The following C3orf70 variants were observed in gnomAD, a reference collection of about 807,000 sequenced individuals.
The protein encoded by C3orf70 is chromosome 3 open reading frame 70, also known as UPF0524 protein C3orf70.
In C3orf70, 15 loss-of-function variants were observed where a neutral mutation model predicts 20.7. The ratio of observed to expected loss-of-function variants is 0.72; its 90% CI spans 0.48 to 1.11. C3orf70 has a LOEUF of 1.11. Among genes scored for constraint, C3orf70 ranks in the 50% most tolerant of loss-of-function variants. The pLI is 0.00. For missense variants in C3orf70, 332 were observed against 317.6 expected, an observed-to-expected ratio of 1.05 and a Z score of -0.34; for synonymous variants, 161 against 125.7, an observed-to-expected ratio of 1.28 and a Z score of -1.88.
chr3:185,144,902 T>G (rs1317510917), intron 1 of C3orf70, among the ~76,000 whole-genome samples: 6 of 152,182 alleles, frequency 3.9e-5, no homozygotes, highest in African/African-American at 1.2e-4. Context: ...CCATGGCGCT[T>G]GGATGAAACA....
Position 185,083,337 on chromosome 3 carries a change from C to T in C3orf70, c.423G>A (p.Gly141=), listed in dbSNP as rs114395950. ...IDNYQVKCIN[G]KMCYVQKQPA... is the part of the protein sequence containing the mutation. ...GCTGCTTCTGCACATAACACATCTTCCCATTAATACATTTAACCTGATAGT... is the reference window on the plus strand; with the variant it reads ...GCTGCTTCTGCACATAACACATCTTTCCATTAATACATTTAACCTGATAGT... Residue 141 remains glycine, a synonymous_variant, in exon 2 of 2, where the codon GGG becomes GGA. Transcript: ENST00000335012. 4.4e-4 allele frequency: 712 copies of T among 1,614,130 alleles called. 3 individuals are homozygous for T. In the African/African-American group the frequency reaches 8.9e-3, roughly 20 times the overall value.
intron 1 of C3orf70, among the ~76,000 whole-genome samples, chr3:185,134,102 GA>G (rs920122132): frequency 2.2e-5 from 3 of 134,320 alleles, no homozygotes; most frequent in African/African-American, 8.0e-5. Flanking sequence ...AAAAGAAAAA[GA>G]AAAAAAATAC....
chr3:185,103,686 G>A (rs1383090808), intron 1 of C3orf70, among the ~76,000 whole-genome samples: 1 of 152,148 alleles, frequency 6.6e-6, no homozygotes, highest in East Asian at 1.9e-4. Flanking sequence ...AATCATTTAG[G>A]TAAACAGTTA....
intron 1 of C3orf70, among the ~76,000 whole-genome samples, chr3:185,126,681 G>A (rs549379927): frequency 6.5e-4 from 99 of 152,270 alleles, no homozygotes; most frequent in Non-Finnish European, 8.8e-4. Flanking sequence ...TTTGCTTTAA[G>A]TGAAACAATC....
intron 1 of C3orf70, among the ~76,000 whole-genome samples, chr3:185,117,795 C>T (rs534519298): frequency 2.0e-5 from 3 of 152,302 alleles, no homozygotes; most frequent in East Asian, 1.9e-4. Context: ...CCCACATGTG[C>T]GCTACGTTCT....
intron 1 of C3orf70, among the ~76,000 whole-genome samples, chr3:185,119,850 C>A (rs978762023): frequency 9.3e-5 from 14 of 151,300 alleles, no homozygotes; most frequent in African/African-American, 3.2e-4. Context: ...ATAGTGAAAC[C>A]CCATCTCTAC....
At chr3:185,128,665 T>C (rs1435918828) in intron 1 of C3orf70, among the ~76,000 whole-genome samples, 1 of 152,238 alleles carries the variant, frequency 6.6e-6, no homozygotes, top group Non-Finnish European at 1.5e-5. Flanking sequence ...AACTTTGTTT[T>C]ATGATAATGT....
Position 185,083,512 on chromosome 3 carries a change from T to C in C3orf70, c.248A>G (p.Glu83Gly). The C allele has an allele frequency of 1.2e-6, 2 of 1,613,130 alleles. No individual in the cohort carries two copies. Among genetic ancestry groups the C allele is most frequent in the Middle Eastern group, 1.7e-4 (1 of 6,060 alleles). Residue 83 changes from glutamate to glycine, a missense_variant, in exon 2 of 2, where the codon GAG becomes GGG. Coordinates refer to ENST00000335012, the MANE Select transcript of C3orf70 (RefSeq NM_001025266.3). Reference sequence around the variant, plus strand: ...GGGTTCCCGAGGCCTGGCAGGAATCTCAGTGCTTGGAAGCTGTTCCACAGG... The same window carrying C: ...GGGTTCCCGAGGCCTGGCAGGAATCCCAGTGCTTGGAAGCTGTTCCACAGG... ...MTPVEQLPST[E>G]IPARPREPTN... is the part of the protein sequence containing the mutation.
chr3:185,076,941 TAGAGAGTTAAAAC>T lies in C3orf70; in HGVS notation c.*6053_*6065del, dbSNP rs150240674. Among the ~76,000 whole-genome samples, 134 of 152,172 alleles carry T rather than the reference TAGAGAGTTAAAAC, an allele frequency of 8.8e-4. No homozygotes were observed. Among genetic ancestry groups the T allele is most frequent in the African/African-American group, 3.1e-3 (129 of 41,516 alleles). On this transcript the variant is annotated 3_prime_UTR_variant, in exon 2 of 2. Transcript: ENST00000335012. ...TCTAGGACTTGGCAATACAATTAGGTAGAGAGTTAAAACAGTAGAGTGCACACGCAGATGAGAT... is the reference window on the plus strand; with the variant it reads ...TCTAGGACTTGGCAATACAATTAGGTAGTAGAGTGCACACGCAGATGAGAT...
rs368248182 is a variant in C3orf70 at position 185,151,693 on chromosome 3, TTTAAC to T, written c.196+930_196+934del. On this transcript the variant is annotated intron_variant, in intron 1 of 1. Transcript: ENST00000335012. ...TTTTTCTCAACAAAGAAAAATTCATTTTAACTTAAGATCACTTGGAAAATGTCCTA... is the reference window on the plus strand; with the variant it reads ...TTTTTCTCAACAAAGAAAAATTCATTTTAAGATCACTTGGAAAATGTCCTA... 1.7e-4 allele frequency among the ~76,000 whole-genome samples: 26 copies of T among 152,350 alleles called. No homozygotes were observed. The South Asian group carries it at 5.4e-3, about 32-fold the overall frequency.
At chr3:185,106,510 G>C (rs1316558892) in intron 1 of C3orf70, among the ~76,000 whole-genome samples, 1 of 152,222 alleles carries the variant, frequency 6.6e-6, no homozygotes, top group African/African-American at 2.4e-5. Context: ...TGCTGAGCCT[G>C]AAATATGTCC....
chr3:185,120,496 A>G (rs1236251933), intron 1 of C3orf70, among the ~76,000 whole-genome samples: 1 of 152,172 alleles, frequency 6.6e-6, no homozygotes, highest in Non-Finnish European at 1.5e-5. Flanking sequence ...AAGGACTAAT[A>G]CCCAGAATCT....
intron 1 of C3orf70, among the ~76,000 whole-genome samples, chr3:185,090,189 T>G (rs569633506): frequency 6.6e-6 from 1 of 152,204 alleles, no homozygotes; most frequent in African/African-American, 2.4e-5. Flanking sequence ...ACATTGCAAT[T>G]TGCAGCACTG....
At chr3:185,105,930 G>A (rs140052685) in intron 1 of C3orf70, among the ~76,000 whole-genome samples, 2,021 of 152,274 alleles carry the variant, frequency 0.013, 50 homozygotes, top group African/African-American at 0.045. Flanking sequence ...TGAGGAGGAA[G>A]GAGAGTATAG....
rs957769431 is a variant in C3orf70, at chr3:185,078,540, G to C, written c.*4467C>G. The C allele has an allele frequency of 6.6e-6, 1 of 152,248 alleles. No individual in the cohort carries two copies. The highest frequency in any genetic ancestry group is 1.9e-4 in the East Asian group (1 of 5,184). 9.4% of individuals were successfully genotyped at this position (152,248 alleles called of 1,614,324 possible). A position where few individuals can be genotyped will look rare whatever the true frequency, so the allele number is the denominator to read the frequency against. ...TGATGTGAGAGACACTGATATCCGGGAACTTACAGCACTGACCACGTGTGT... is the reference window on the plus strand; with the variant it reads ...TGATGTGAGAGACACTGATATCCGGCAACTTACAGCACTGACCACGTGTGT... On this transcript the variant is annotated 3_prime_UTR_variant, in exon 2 of 2. Coordinates refer to ENST00000335012, the MANE Select transcript of C3orf70 (RefSeq NM_001025266.3).
chr3:185,091,964 T>A (rs1715599334), intron 1 of C3orf70, among the ~76,000 whole-genome samples: 1 of 6,294 alleles, frequency 1.6e-4, no homozygotes, highest in African/African-American at 7.0e-4. Context: ...TATATATATA[T>A]TTTTTTTTTT....
At chr3:185,125,868 T>C (rs1716399447) in intron 1 of C3orf70, among the ~76,000 whole-genome samples, 1 of 152,172 alleles carries the variant, frequency 6.6e-6, no homozygotes, top group Admixed American at 6.5e-5. Flanking sequence ...TAAAAACAGG[T>C]TAGCAGTTAC....
intron 1 of C3orf70, among the ~76,000 whole-genome samples, chr3:185,101,596 A>C (rs1401470932): frequency 6.6e-6 from 1 of 152,200 alleles, no homozygotes; most frequent in Non-Finnish European, 1.5e-5. Context: ...ATCATGGTGG[A>C]AGGTGAATGG....
chr3:185,083,596 T>C, intron 1 of C3orf70, 33 bp from the exon 2 acceptor site: 1 of 1,517,716 alleles, frequency 6.6e-7, no homozygotes, highest in South Asian at 1.3e-5. Flanking sequence ...TTGAAATCTA[T>C]ATTACACAAA....
Sources: gnomAD v4.1 joint callset for allele counts (sites outside exome capture counted in the v4.1 genomes callset) on GRCh38, gnomAD v4.1.1 for gene constraint, MANE v1.5 for transcripts, NCBI Gene and HGNC (gene_info 2026-07-23, HGNC 2026-07-21) for gene names.